Variants in OSMR observed in about 807,000 individuals in gnomAD.
OSMR encodes the protein oncostatin-M-specific receptor subunit beta.
A neutral mutation model predicts 99.9 loss-of-function variants in OSMR; 81 were observed. The ratio of observed to expected loss-of-function variants is 0.81; its 90% CI spans 0.68 to 0.97. The LOEUF is 0.97. Ranked by LOEUF, OSMR falls within the 50% of genes least tolerant of loss-of-function variation. The probability of loss-of-function intolerance (pLI) is 0.00; values close to 1 mark genes in which losing one functional copy is unlikely to be tolerated. For missense variants in OSMR, 1,099 were observed against 1,153.4 expected, an observed-to-expected ratio of 0.95 and a Z score of 0.68; for synonymous variants, 406 against 410.4, an observed-to-expected ratio of 0.99 and a Z score of 0.13.
rs58159819 is a variant in OSMR at position 38,898,950 on chromosome 5, C to CTTTTTTTTTTTTTTTTTTTTTT, written c.992-4929_992-4908dup. On this transcript the variant is annotated intron_variant, in intron 7 of 17. Coordinates refer to ENST00000274276, the MANE Select transcript of OSMR (RefSeq NM_003999.3). ...TTTGTTGTTTCTATTTACATAATAT[C>CTTTTTTTTTTTTTTTTTTTTTT]TTTTTTTTTTTTTTTTTTTTTTTTG... Among the ~76,000 whole-genome samples, 6 of 78,288 alleles carry CTTTTTTTTTTTTTTTTTTTTTT rather than the reference C, an allele frequency of 7.7e-5. 1 individual carries two copies. Among genetic ancestry groups the CTTTTTTTTTTTTTTTTTTTTTT allele is most frequent in the Admixed American group, 5.0e-4 (3 of 5,988 alleles). 51.4% of individuals were successfully genotyped at this position (78,288 alleles called of 152,430 possible). A position where few individuals can be genotyped will look rare whatever the true frequency, so the allele number is the denominator to read the frequency against.
chr5:38,889,201 TA>T (rs974077609), intron 7 of OSMR, among the ~76,000 whole-genome samples: 50 of 152,250 alleles, frequency 3.3e-4, no homozygotes, highest in African/African-American at 1.1e-3. Context: ...TAGTATCAAA[TA>T]TTTTTTTAAT....
chr5:38,919,226 TG>T (rs1746104637), intron 11 of OSMR, 164 bp downstream of exon 11: 1 of 1,529,768 alleles, frequency 6.5e-7, no homozygotes, highest in Non-Finnish European at 8.8e-7. Flanking sequence ...CGTGTTTCAG[TG>T]GGACAGTCCC....
intron 7 of OSMR, among the ~76,000 whole-genome samples, chr5:38,897,256 A>C (rs1490986400): frequency 6.6e-6 from 1 of 152,078 alleles, no homozygotes; most frequent in Non-Finnish European, 1.5e-5. Flanking sequence ...GGTAGAGTTT[A>C]GCAGTGAAGC....
intron 1 of OSMR, chr5:38,943,384 A>G (rs1412847064): frequency 6.2e-6 from 1 of 162,100 alleles, no homozygotes; most frequent in Non-Finnish European, 1.3e-5. Context: ...TTTAGCTAGG[A>G]AAGCACCTCA....
downstream of OSMR, among the ~76,000 whole-genome samples, chr5:38,936,797 C>T (rs556076557): frequency 3.7e-4 from 56 of 152,244 alleles, no homozygotes; most frequent in African/African-American, 1.3e-3. Context: ...AAAATGTTTA[C>T]AACACAATAG....
At chr5:38,854,235 G>T (rs570185641) in intron 1 of OSMR, among the ~76,000 whole-genome samples, 15 of 152,242 alleles carry the variant, frequency 9.9e-5, no homozygotes, top group African/African-American at 3.6e-4. Context: ...CAGTTTTGAA[G>T]TTTGTCAACA....
At chr5:38,871,985 C>G (rs1027259041) in intron 2 of OSMR, among the ~76,000 whole-genome samples, 3 of 152,098 alleles carry the variant, frequency 2.0e-5, no homozygotes, top group Admixed American at 6.5e-5. Context: ...ATTCCCAAAC[C>G]TGGCCTTCTT....
chr5:38,918,909 C>T lies in OSMR; in HGVS notation c.1432C>T (p.Pro478Ser), dbSNP rs756876607. 2 of 1,613,962 alleles carry T rather than the reference C, an allele frequency of 1.2e-6. No homozygotes were observed. The highest frequency in any genetic ancestry group is 3.3e-5 in the Admixed American group (2 of 60,020). The stretch of plus-strand genomic sequence containing the variant: ...TGTAGTTGTAGAAAACCTAGACAAA[C>T]CATCCAGTTCAGAGCTCCATTCCAT... ...YNVVVENLDK[P>S]SSSELHSIPA... The change falls in exon 11 of 18, where the codon CCA (proline) becomes TCA (serine). Residue 478 changes from proline (P) to serine (S), a missense_variant. Pro to Ser is a moderately conservative substitution (Grantham distance 74). Coordinates refer to ENST00000274276, the MANE Select transcript of OSMR (RefSeq NM_003999.3).
intron 7 of OSMR, among the ~76,000 whole-genome samples, chr5:38,888,373 A>C (rs1054141842): frequency 1.7e-5 from 2 of 116,202 alleles, no homozygotes; most frequent in African/African-American, 6.6e-5. Flanking sequence ...GGGTGGACCC[A>C]GTTTGTTTCT....
chr5:38,905,212 G>A lies in OSMR; in HGVS notation c.1285+709G>A, dbSNP rs112303336. Reference sequence around the variant, plus strand: ...TGGTACAGACATCGTAATAATCTTAGGAGTGCAGTGGCTCACACCTGTAAT... The same window carrying A: ...TGGTACAGACATCGTAATAATCTTAAGAGTGCAGTGGCTCACACCTGTAAT... On this transcript the variant is annotated intron_variant, in intron 9 of 17. Transcript: ENST00000274276. 5.1e-4 allele frequency among the ~76,000 whole-genome samples: 77 copies of A among 152,218 alleles called. 1 individual carries two copies. Among genetic ancestry groups the A allele is most frequent in the African/African-American group, 1.8e-3 (75 of 41,522 alleles).
intron 1 of OSMR, chr5:38,942,193 A>C: frequency 1.7e-6 from 1 of 603,436 alleles, no homozygotes. Context: ...AACAGTGTAC[A>C]GAAGATACTC....
chr5:38,874,188 T>A (rs529454543), intron 2 of OSMR, among the ~76,000 whole-genome samples: 1 of 152,360 alleles, frequency 6.6e-6, no homozygotes, highest in South Asian at 2.1e-4. Flanking sequence ...TTCACTTTTT[T>A]GTGATTGTTA....
chr5:38,895,102 G>A (rs909640720), intron 7 of OSMR, among the ~76,000 whole-genome samples: 1 of 152,066 alleles, frequency 6.6e-6, no homozygotes, highest in African/African-American at 2.4e-5. Flanking sequence ...CAAAAGCAGT[G>A]TAAAGAATAA....
In OSMR at chr5:38,846,298, G is replaced by T. The variant is rs1739803753; in HGVS notation, c.-103G>T. 1 of 152,312 alleles carries T rather than the reference G, an allele frequency of 6.6e-6. No homozygotes were observed. Among genetic ancestry groups the T allele is most frequent in the African/African-American group, 2.4e-5 (1 of 41,466 alleles). The allele number at this position is 152,312 out of a possible 1,614,324, so 9.4% of individuals were successfully genotyped here. A position where few individuals can be genotyped will look rare whatever the true frequency, so the allele number is the denominator to read the frequency against. On this transcript the variant is annotated 5_prime_UTR_variant, in exon 1 of 18. Coordinates refer to ENST00000274276, the MANE Select transcript of OSMR (RefSeq NM_003999.3). ...GTGCAGCAGCCCGTTCCCCTCCTCG[G>T]TGCCGCCTCTGCCCAGCGTTTGCTT... is the stretch of plus-strand genomic sequence containing the variant.
chr5:38,876,416 A>C, intron 3 of OSMR, 43 bp downstream of exon 3: 1 of 1,519,266 alleles, frequency 6.6e-7, no homozygotes, highest in Non-Finnish European at 9.1e-7. Flanking sequence ...ATCATCTTTA[A>C]AAAAAGACAC....
At chr5:38,881,105 T>C (rs2112358138) in intron 3 of OSMR, among the ~76,000 whole-genome samples, 1 of 152,326 alleles carries the variant, frequency 6.6e-6, no homozygotes, top group South Asian at 2.1e-4. Context: ...GAACTTCTGG[T>C]GTGCCATGAA....
chr5:38,891,847 G>C (rs1341726663), intron 7 of OSMR, among the ~76,000 whole-genome samples: 1 of 152,182 alleles, frequency 6.6e-6, no homozygotes, highest in African/African-American at 2.4e-5. Flanking sequence ...ATTGGTTTGG[G>C]CTTCTAGTGC....
chr5:38,891,072 C>T (rs75288801), intron 7 of OSMR, among the ~76,000 whole-genome samples: 9,951 of 152,170 alleles, frequency 0.065, 425 homozygotes, highest in South Asian at 0.17. Context: ...AATTGGCCAT[C>T]GCGTGGCCAC....
chr5:38,939,102 A>G, downstream of OSMR: 1 of 233,136 alleles, frequency 4.3e-6, no homozygotes. Context: ...TGAATGACAG[A>G]CAATTTGGTT....
Sources: gnomAD v4.1 joint callset for allele counts (sites outside exome capture counted in the v4.1 genomes callset) on GRCh38, gnomAD v4.1.1 for gene constraint, MANE v1.5 for transcripts, NCBI Gene and HGNC (gene_info 2026-07-23, HGNC 2026-07-21) for gene names.